Variants in NLN observed in about 807,000 individuals in gnomAD.
NLN encodes the protein neurolysin.
A neutral mutation model predicts 79.9 loss-of-function variants in NLN; 64 were observed. The observed-to-expected ratio is 0.80, with a 90% confidence interval of 0.65 to 0.99. The LOEUF is 0.99. NLN is among the 50% of genes least tolerant of loss of function. NLN has a pLI of 0.00. For missense variants in NLN, 835 were observed against 858.7 expected (o/e 0.97, Z 0.34); for synonymous variants, 267 against 296.6 (o/e 0.90, Z 1.02).
chr5:65,827,472 C>T lies in NLN; in HGVS notation c.*4557C>T, dbSNP rs973915833. 7.2e-5 allele frequency: 11 copies of T among 152,138 alleles called. No homozygotes were observed. The highest frequency in any genetic ancestry group is 2.7e-4 in the African/African-American group (11 of 41,440). The allele number at this position is 152,138 out of a possible 1,614,324, so 9.4% of individuals were successfully genotyped here. On this transcript the variant is annotated 3_prime_UTR_variant, in exon 13 of 13. Coordinates refer to ENST00000380985, the MANE Select transcript of NLN (RefSeq NM_020726.5). Reference sequence around the variant, plus strand: ...AGAAACTGGCTAGAAATAGTTTGTTCATTGCGTCCAGCAAGACACGCATTG... The same window carrying T: ...AGAAACTGGCTAGAAATAGTTTGTTTATTGCGTCCAGCAAGACACGCATTG...
In NLN at chr5:65,736,839, G is replaced by A. The variant is rs188117374; in HGVS notation, c.41+14425G>A. ...AACATGACTAGTCATGGTGGCTCAC[G>A]CCTGTAATCTCAACACTTTGGGAGG... On this transcript the variant is annotated intron_variant, in intron 1 of 12. Coordinates refer to ENST00000380985, the MANE Select transcript of NLN (RefSeq NM_020726.5). Among the ~76,000 whole-genome samples the A allele has an allele frequency of 7.4e-4, 112 of 152,130 alleles. 1 individual carries two copies. Among genetic ancestry groups the A allele is most frequent in the South Asian group, 1.2e-3 (6 of 4,818 alleles).
chr5:65,801,995 G>T (rs1174914764), intron 9 of NLN, among the ~76,000 whole-genome samples: 1 of 152,172 alleles, frequency 6.6e-6, no homozygotes, highest in African/African-American at 2.4e-5. Context: ...GTGGCTGATG[G>T]TGTGATTTGG....
intron 9 of NLN, among the ~76,000 whole-genome samples, chr5:65,797,684 G>C (rs1760200507): frequency 6.6e-6 from 1 of 152,188 alleles, no homozygotes; most frequent in Non-Finnish European, 1.5e-5. Flanking sequence ...AAAAGCATAA[G>C]GAGCCATATG....
At chr5:65,809,056 C>T in intron 9 of NLN, 1 of 154,116 alleles carries the variant, frequency 6.5e-6, no homozygotes, top group East Asian at 1.9e-4. Context: ...GGATTGAGAC[C>T]TAAGCAATAG....
intron 7 of NLN, among the ~76,000 whole-genome samples, chr5:65,787,384 G>A (rs1759953936): frequency 6.6e-6 from 1 of 152,026 alleles, no homozygotes; most frequent in African/African-American, 2.4e-5. Flanking sequence ...TCTCTTCACG[G>A]TATTCCTCGG....
intron 1 of NLN, among the ~76,000 whole-genome samples, chr5:65,725,030 C>T (rs1003388461): frequency 6.6e-6 from 1 of 151,970 alleles, no homozygotes; most frequent in African/African-American, 2.4e-5. Flanking sequence ...TGGTCTCGAT[C>T]TCCTGACCTC....
At chr5:65,817,318 T>C (rs1449543315) in intron 12 of NLN, among the ~76,000 whole-genome samples, 3 of 152,210 alleles carry the variant, frequency 2.0e-5, no homozygotes, top group Non-Finnish European at 4.4e-5. Flanking sequence ...AGTTGTCTCA[T>C]TGTCAGACAT....
At chr5:65,771,539 A>AT (rs931689033) in intron 3 of NLN, among the ~76,000 whole-genome samples, 1 of 152,186 alleles carries the variant, frequency 6.6e-6, no homozygotes, top group East Asian at 1.9e-4. Context: ...TTGTTTATTT[A>AT]TTTTTTTTAG....
chr5:65,751,492 A>G (rs555341739), intron 1 of NLN, among the ~76,000 whole-genome samples: 2 of 152,342 alleles, frequency 1.3e-5, no homozygotes, highest in South Asian at 4.1e-4. Context: ...TACAGTGGCC[A>G]TTGTGCTTGA....
intron 2 of NLN, among the ~76,000 whole-genome samples, chr5:65,760,678 A>G (rs1644131176): frequency 6.6e-6 from 1 of 152,116 alleles, no homozygotes. Context: ...ATGCCCAGCT[A>G]ATTTTTACAT....
intron 1 of NLN, among the ~76,000 whole-genome samples, chr5:65,756,683 C>T (rs1425297799): frequency 6.6e-6 from 1 of 151,786 alleles, no homozygotes; most frequent in Non-Finnish European, 1.5e-5. Flanking sequence ...TTTAATGTTT[C>T]GTAGAGACAA....
intron 3 of NLN, among the ~76,000 whole-genome samples, chr5:65,769,213 C>G (rs1759516638): frequency 6.6e-6 from 1 of 152,212 alleles, no homozygotes. Context: ...CACCACATCT[C>G]AGTCTGGGGA....
intron 1 of NLN, among the ~76,000 whole-genome samples, chr5:65,756,436 C>T (rs1342631461): frequency 6.6e-6 from 1 of 152,022 alleles, no homozygotes; most frequent in Non-Finnish European, 1.5e-5. Flanking sequence ...TAAATCATTC[C>T]GATTCCTCCT....
chr5:65,797,246 C>T (rs903450783), intron 9 of NLN, among the ~76,000 whole-genome samples: 2 of 152,066 alleles, frequency 1.3e-5, no homozygotes, highest in African/African-American at 2.4e-5. Context: ...ACATTAAGAG[C>T]GGTGATGAAT....
At chr5:65,777,846 G>A (rs1759714428) in intron 4 of NLN, among the ~76,000 whole-genome samples, 1 of 152,196 alleles carries the variant, frequency 6.6e-6, no homozygotes, top group African/African-American at 2.4e-5. Context: ...AAACAGATGG[G>A]TTGTAATAGA....
intron 1 of NLN, 129 bp from the exon 2 acceptor site, chr5:65,758,438 G>A (rs1239107866): frequency 1.7e-6 from 1 of 597,312 alleles, no homozygotes; most frequent in Non-Finnish European, 2.9e-6. Flanking sequence ...GTGTTCACCT[G>A]AGAGTATTTG....
Position 65,790,877 on chromosome 5 carries a change from G to A in NLN, c.1326-1577G>A, listed in dbSNP as rs189006474. On this transcript the variant is annotated intron_variant, in intron 8 of 12. Transcript: ENST00000380985. ...ACTGTCCTCAGATTTTCTTTCCAGC[G>A]TCAAATAACAATTCTTGCTACCTCA... Among the ~76,000 whole-genome samples the A allele has an allele frequency of 1.6e-3, 249 of 152,198 alleles. 2 individuals are homozygous for A. The highest frequency in any genetic ancestry group is 2.8e-3 in the Non-Finnish European group (191 of 68,022).
intron 1 of NLN, chr5:65,723,000 G>A (rs1350962678): frequency 1.3e-5 from 2 of 152,438 alleles, no homozygotes; most frequent in Non-Finnish European, 2.9e-5. Context: ...CTTGGACACG[G>A]CTTTGGGCAG....
At chr5:65,737,661 G>A (rs2150736063) in intron 1 of NLN, among the ~76,000 whole-genome samples, 1 of 152,210 alleles carries the variant, frequency 6.6e-6, no homozygotes, top group East Asian at 1.9e-4. Context: ...ACAATTACAG[G>A]TATAACTTTC....
Sources: allele counts gnomAD v4.1 joint callset (sites outside exome capture counted in the v4.1 genomes callset), GRCh38; gene constraint gnomAD v4.1.1; transcripts MANE v1.5; gene names NCBI Gene and HGNC (gene_info 2026-07-23, HGNC 2026-07-21).